The following SMYD3 variants were observed in gnomAD, a reference collection of about 807,000 sequenced individuals.
SMYD3 encodes SET and MYND domain containing 3.
In SMYD3, 36 loss-of-function variants were observed where a neutral mutation model predicts 57.7. That is an observed-to-expected ratio of 0.62 (90% CI 0.48 to 0.82). The LOEUF (loss-of-function observed/expected upper bound fraction) is 0.82, where lower values mean the gene tolerates loss of function less well. Ranked by LOEUF, SMYD3 falls within the 40% of genes least tolerant of loss-of-function variation. SMYD3 has a pLI of 0.00. For synonymous variants in SMYD3, 211 were observed against 195.0 expected (o/e 1.08, Z -0.68); for missense variants, 515 against 538.8 (o/e 0.96, Z 0.44).
intron 1 of SMYD3, among the ~76,000 whole-genome samples, chr1:246,426,571 G>A (rs1429044138): frequency 6.6e-6 from 1 of 152,182 alleles, no homozygotes; most frequent in Non-Finnish European, 1.5e-5. Context: ...GGTTCATTGA[G>A]TAAGGTTTTA....
chr1:245,887,069 T>A (rs1252529336), intron 8 of SMYD3, among the ~76,000 whole-genome samples: 1 of 152,194 alleles, frequency 6.6e-6, no homozygotes, highest in Non-Finnish European at 1.5e-5. Context: ...AAAATGAGGC[T>A]AAGACCTACT....
intron 10 of SMYD3, among the ~76,000 whole-genome samples, chr1:245,785,120 G>C (rs1161701330): frequency 6.7e-6 from 1 of 149,824 alleles, no homozygotes; most frequent in Admixed American, 6.6e-5. Context: ...GACCTCAAGT[G>C]ATCCACCCGC....
chr1:246,062,187 T>TTAGCGCAACA (rs11283435), intron 5 of SMYD3, among the ~76,000 whole-genome samples: 1 of 151,740 alleles, frequency 6.6e-6, no homozygotes, highest in Admixed American at 6.6e-5. Context: ...CATCATTGAC[T>TTAGCGCAACA]TAAAGATCGT....
chr1:245,770,324 G>A (rs2046285767), intron 10 of SMYD3, among the ~76,000 whole-genome samples: 1 of 152,138 alleles, frequency 6.6e-6, no homozygotes, highest in Admixed American at 6.5e-5. Flanking sequence ...TAGAAAAGGA[G>A]ACACAGAAAC....
At chr1:246,100,121 G>A (rs549501551) in intron 5 of SMYD3, among the ~76,000 whole-genome samples, 1 of 152,220 alleles carries the variant, frequency 6.6e-6, no homozygotes, top group Non-Finnish European at 1.5e-5. Context: ...TGAGGTAAGA[G>A]GATCCCTTGA....
At chr1:246,431,003 T>C (rs2103009021) in intron 1 of SMYD3, among the ~76,000 whole-genome samples, 1 of 152,196 alleles carries the variant, frequency 6.6e-6, no homozygotes, top group Non-Finnish European at 1.5e-5. Flanking sequence ...ACCCCTGAGA[T>C]TTAGATTATT....
intron 5 of SMYD3, among the ~76,000 whole-genome samples, chr1:246,114,864 T>G (rs1454268713): frequency 6.6e-6 from 1 of 151,102 alleles, no homozygotes; most frequent in Non-Finnish European, 1.5e-5. Flanking sequence ...TCTCTTGACC[T>G]CGTGATCTGC....
intron 1 of SMYD3, among the ~76,000 whole-genome samples, chr1:246,502,479 A>AT (rs1156915187): frequency 6.6e-6 from 1 of 152,000 alleles, no homozygotes; most frequent in South Asian, 2.1e-4. Context: ...AATATGCGCC[A>AT]TTTTTTCTAT....
rs187675894 is a variant in SMYD3 at position 245,923,480 on chromosome 1, T to A, written c.702+4451A>T. 9.2e-5 allele frequency among the ~76,000 whole-genome samples: 14 copies of A among 152,276 alleles called. No homozygotes were observed. The East Asian group carries it at 2.7e-3, about 29-fold the overall frequency. ...GCTCCCATGGGGTTTGTCAGTCTGA[T>A]CCCTACATCTTCCCTCAAATTCGGG... is the stretch of plus-strand genomic sequence containing the variant. On this transcript the variant is annotated intron_variant, in intron 7 of 11. Transcript: ENST00000490107.
rs781556479 is a variant in SMYD3, at chr1:246,330,511, C to A, written c.363G>T (p.Glu121Asp). 2.5e-6 allele frequency: 4 copies of A among 1,594,994 alleles called. No homozygotes were observed. In the Admixed American group the frequency reaches 7.0e-5, roughly 28 times the overall value. ...CCAGATCATAAAATGAGTAAAGCTT[C>A]TCTGATTCTGAAGGTGCTCCATCCA... ...KLMDGAPSES[E>D]KLYSFYDLES... The change falls in exon 4 of 12, where the codon GAG becomes GAT. Residue 121 changes from glutamate (E) to aspartate (D), a missense_variant. Physicochemically the swap from Glu to Asp is conservative, Grantham distance 45. Coordinates refer to ENST00000490107, the MANE Select transcript of SMYD3 (RefSeq NM_001167740.2).
chr1:246,126,566 G>A (rs1039363761), intron 5 of SMYD3, among the ~76,000 whole-genome samples: 6 of 152,084 alleles, frequency 3.9e-5, no homozygotes, highest in African/African-American at 1.2e-4. Flanking sequence ...AAATCATGTC[G>A]ACAATTCATG....
At chr1:245,936,015 C>G (rs1019206672) in intron 5 of SMYD3, among the ~76,000 whole-genome samples, 1 of 151,888 alleles carries the variant, frequency 6.6e-6, no homozygotes, top group African/African-American at 2.4e-5. Context: ...TCAAAGTTTC[C>G]AAGAAAAAAT....
chr1:245,814,313 T>C (rs751922435), intron 10 of SMYD3: 89 of 928,374 alleles, frequency 9.6e-5, no homozygotes, highest in Non-Finnish European at 1.1e-4. Context: ...ACTGTCTTCA[T>C]AGGAATATAA....
chr1:245,861,870 G>A (rs1050874465), intron 9 of SMYD3, among the ~76,000 whole-genome samples: 1 of 97,548 alleles, frequency 1.0e-5, no homozygotes, highest in African/African-American at 2.7e-5. Flanking sequence ...GCAGGGCTGT[G>A]TCTTCTAACT....
At chr1:246,082,715 T>C (rs575513277) in intron 5 of SMYD3, among the ~76,000 whole-genome samples, 1 of 152,130 alleles carries the variant, frequency 6.6e-6, no homozygotes, top group Non-Finnish European at 1.5e-5. Flanking sequence ...ATCAGACTGT[T>C]ACTGTGTCTA....
intron 10 of SMYD3, among the ~76,000 whole-genome samples, chr1:245,845,797 C>T (rs929203313): frequency 1.3e-5 from 2 of 152,308 alleles, no homozygotes; most frequent in African/African-American, 2.4e-5. Flanking sequence ...ATCTTTGAGT[C>T]GTTTTCTATC....
At chr1:246,177,476 C>T (rs915498339) in intron 5 of SMYD3, among the ~76,000 whole-genome samples, 3 of 151,910 alleles carry the variant, frequency 2.0e-5, no homozygotes, top group African/African-American at 7.3e-5. Context: ...TATAGAAAAG[C>T]AAAAAAGCAC....
chr1:246,241,386 G>A (rs560690140), intron 5 of SMYD3, among the ~76,000 whole-genome samples: 54 of 152,282 alleles, frequency 3.5e-4, no homozygotes, highest in Non-Finnish European at 6.6e-4. Flanking sequence ...TTATATGATG[G>A]ATTATGTTTA....
intron 1 of SMYD3, among the ~76,000 whole-genome samples, chr1:246,450,574 T>C (rs564346885): frequency 5.3e-5 from 8 of 152,232 alleles, no homozygotes; most frequent in South Asian, 2.1e-4. Flanking sequence ...ACTTAAGACA[T>C]AGGCATTCCA....
Sources: gnomAD v4.1 joint callset for allele counts (sites outside exome capture counted in the v4.1 genomes callset) on GRCh38, gnomAD v4.1.1 for gene constraint, MANE v1.5 for transcripts, NCBI Gene and HGNC (gene_info 2026-07-23, HGNC 2026-07-21) for gene names.